The following MAP2K1 variants were observed in gnomAD, a reference collection of about 807,000 sequenced individuals.
MAP2K1 encodes the protein dual specificity mitogen-activated protein kinase kinase 1.
In MAP2K1, 16 loss-of-function variants were observed where a neutral mutation model predicts 46.3. The ratio of observed to expected loss-of-function variants is 0.35; its 90% CI spans 0.23 to 0.52. The LOEUF (loss-of-function observed/expected upper bound fraction) is 0.52, where lower values mean the gene tolerates loss of function less well. Ranked by LOEUF, MAP2K1 falls within the 20% of genes least tolerant of loss-of-function variation. MAP2K1 has a pLI of 0.94. For synonymous variants in MAP2K1, 183 were observed against 185.6 expected, an observed-to-expected ratio of 0.99 and a Z score of 0.11; for missense variants, 263 against 497.1, an observed-to-expected ratio of 0.53 and a Z score of 4.48.
intron 1 of MAP2K1, among the ~76,000 whole-genome samples, chr15:66,426,803 A>C (rs2093460296): frequency 6.6e-6 from 1 of 152,192 alleles, no homozygotes; most frequent in Non-Finnish European, 1.5e-5. Context: ...CTTACAGTTA[A>C]AACTTTAAAG....
At chr15:66,424,066 T>TC (rs937611763) in intron 1 of MAP2K1, among the ~76,000 whole-genome samples, 3 of 149,634 alleles carry the variant, frequency 2.0e-5, no homozygotes, top group Admixed American at 2.0e-4. Context: ...TCTTGTGCAT[T>TC]TTTTTTTTGA....
At chr15:66,471,884 C>G (rs373052428) in intron 5 of MAP2K1, among the ~76,000 whole-genome samples, 1 of 152,114 alleles carries the variant, frequency 6.6e-6, no homozygotes, top group Non-Finnish European at 1.5e-5. Flanking sequence ...TGAGACCAGC[C>G]TGGCCAACAT....
intron 5 of MAP2K1, among the ~76,000 whole-genome samples, chr15:66,473,970 C>A (rs1395235707): frequency 6.6e-6 from 1 of 152,212 alleles, no homozygotes; most frequent in Non-Finnish European, 1.5e-5. Flanking sequence ...GCCTGAGCCA[C>A]CATGCCCGGC....
rs565798432 is a variant in MAP2K1 at position 66,445,393 on chromosome 15, AAAC to A, written c.568+698_568+700del. ...GGTGGCACAGCGAGACACAGTCTCA[AAAC>A]AACAACAACAAGAAGAACAAAACAC... On this transcript the variant is annotated intron_variant, in intron 5 of 10. Transcript: ENST00000307102. Among the ~76,000 whole-genome samples the A allele has an allele frequency of 7.9e-5, 12 of 152,330 alleles. No individual in the cohort carries two copies. In the South Asian group the frequency reaches 2.3e-3, roughly 29 times the overall value.
chr15:66,389,009 C>T (rs1566992500), intron 1 of MAP2K1, among the ~76,000 whole-genome samples: 3 of 146,496 alleles, frequency 2.0e-5, no homozygotes. Flanking sequence ...CGGGTTCAAG[C>T]GACTCTCCTG....
In MAP2K1 at chr15:66,484,979, C is replaced by T. The variant is rs760503465; in HGVS notation, c.694-11C>T. 7.4e-6 allele frequency: 12 copies of T among 1,611,368 alleles called. No homozygotes were observed. Among genetic ancestry groups the T allele is most frequent in the Non-Finnish European group, 9.3e-6 (11 of 1,178,654 alleles). On this transcript the variant is annotated splice_polypyrimidine_tract_variant and intron_variant, in intron 6 of 10. Coordinates refer to ENST00000307102, the MANE Select transcript of MAP2K1 (RefSeq NM_002755.4). ...AGGTTAGGTGATTATCACTGTCTGT[C>T]TCTCCTGCAGCCAGAAAGACTCCAG...
chr15:66,490,560 G>A lies in MAP2K1; in HGVS notation c.1127G>A (p.Cys376Tyr). The A allele has an allele frequency of 6.2e-7, 1 of 1,614,196 alleles. No homozygotes were observed. Among genetic ancestry groups the A allele is most frequent in the Non-Finnish European group, 8.5e-7 (1 of 1,180,042 alleles). The stretch of plus-strand genomic sequence containing the variant: ...GAAGTGGATTTTGCAGGTTGGCTCT[G>A]CTCCACCATCGGCCTTAACCAGCCC... ...AEEVDFAGWL[C>Y]STIGLNQPST... The change falls in exon 11 of 11, where the codon TGC (cysteine) becomes TAC (tyrosine). Residue 376 changes from cysteine (C) to tyrosine (Y), a missense_variant. Coordinates refer to ENST00000307102, the MANE Select transcript of MAP2K1 (RefSeq NM_002755.4).
intron 5 of MAP2K1, among the ~76,000 whole-genome samples, chr15:66,465,858 A>C (rs1157678783): frequency 1.3e-5 from 2 of 152,250 alleles, no homozygotes; most frequent in African/African-American, 2.4e-5. Context: ...TATTTTTCAC[A>C]TAGGCTTTTA....
chr15:66,390,652 C>T (rs995768566), intron 1 of MAP2K1, among the ~76,000 whole-genome samples: 5 of 152,074 alleles, frequency 3.3e-5, no homozygotes, highest in Non-Finnish European at 7.4e-5. Flanking sequence ...TTACTAGGGT[C>T]TTAAGTGTTA....
rs2140598236 is a variant in MAP2K1, at chr15:66,443,345, A to C, written c.504A>C (p.Lys168Asn). 6.2e-7 allele frequency: 1 copy of C among 1,606,498 alleles called. No homozygotes were observed. The highest frequency in any genetic ancestry group is 8.5e-7 in the Non-Finnish European group (1 of 1,173,162). The change falls in exon 4 of 11, where the codon AAA (lysine) becomes AAC (asparagine). Residue 168 changes from lysine to asparagine, a missense_variant. This residue lies in a region of MAP2K1 where 103 missense variants were observed against 221.6 expected (regional missense o/e 0.46). Transcript: ENST00000307102. ...GAATTCCTGAACAAATTTTAGGAAA[A>C]GTTAGCATTGCTGTGAGTATGTTAT... ...AGRIPEQILG[K>N]VSIAVIKGLT... is the part of the protein sequence containing the mutation.
chr15:66,447,017 A>C (rs1416990029), intron 5 of MAP2K1, among the ~76,000 whole-genome samples: 1 of 152,162 alleles, frequency 6.6e-6, no homozygotes, highest in Non-Finnish European at 1.5e-5. Context: ...GCTGTCGGCC[A>C]TGTCCCTTCA....
intron 1 of MAP2K1, among the ~76,000 whole-genome samples, chr15:66,412,748 A>C (rs1051829836): frequency 1.3e-4 from 20 of 152,088 alleles, no homozygotes; most frequent in African/African-American, 4.6e-4. Flanking sequence ...GTGGCTATTC[A>C]CAGGTGCAGT....
In MAP2K1 at chr15:66,444,410, G is replaced by A. The variant is rs138043857; in HGVS notation, c.517-246G>A. ...TAGCCGGGGGTGGTAGCGCATGCCC[G>A]TAATCCCAGCTACTCAGGGGGCTGA... is the stretch of plus-strand genomic sequence containing the variant. On this transcript the variant is annotated intron_variant, in intron 4 of 10. Transcript: ENST00000307102. 4.9e-4 allele frequency among the ~76,000 whole-genome samples: 74 copies of A among 151,890 alleles called. No homozygotes were observed. The East Asian group carries it at 0.011, about 22-fold the overall frequency.
intron 1 of MAP2K1, among the ~76,000 whole-genome samples, chr15:66,402,839 A>G (rs1198940016): frequency 8.5e-5 from 13 of 152,052 alleles, no homozygotes; most frequent in Admixed American, 7.9e-4. Context: ...TTTCAATGTG[A>G]TAGATATTTT....
intron 1 of MAP2K1, among the ~76,000 whole-genome samples, chr15:66,420,812 T>TAC (rs1169839128): frequency 9.2e-6 from 1 of 108,862 alleles, no homozygotes; most frequent in Admixed American, 1.0e-4. Flanking sequence ...TGTGTATATA[T>TAC]ATGTGTATAT....
At chr15:66,424,431 C>T (rs941057302) in intron 1 of MAP2K1, among the ~76,000 whole-genome samples, 2 of 152,144 alleles carry the variant, frequency 1.3e-5, no homozygotes, top group Non-Finnish European at 2.9e-5. Context: ...TGTCTTTATC[C>T]TCAGAAATGG....
intron 5 of MAP2K1, among the ~76,000 whole-genome samples, chr15:66,461,128 A>G (rs1235185945): frequency 6.6e-6 from 1 of 152,216 alleles, no homozygotes; most frequent in African/African-American, 2.4e-5. Flanking sequence ...AATGAAACTC[A>G]GAGTGAATTT....
At chr15:66,465,503 G>T (rs1319346517) in intron 5 of MAP2K1, among the ~76,000 whole-genome samples, 2 of 152,124 alleles carry the variant, frequency 1.3e-5, no homozygotes, top group Non-Finnish European at 2.9e-5. Context: ...TTAGGTCAGG[G>T]GTCAGTCTTT....
At chr15:66,401,666 C>A (rs2093381981) in intron 1 of MAP2K1, among the ~76,000 whole-genome samples, 1 of 152,080 alleles carries the variant, frequency 6.6e-6, no homozygotes, top group African/African-American at 2.4e-5. Flanking sequence ...AAGAAAAGTG[C>A]CACAGAAAAG....
Sources: gnomAD v4.1 joint callset for allele counts (sites outside exome capture counted in the v4.1 genomes callset) on GRCh38, gnomAD v4.1.1 for gene constraint, gnomAD v4.1.1 regional missense constraint, MANE v1.5 for transcripts, NCBI Gene and HGNC (gene_info 2026-07-23, HGNC 2026-07-21) for gene names.